PLCXD3: variants seen among roughly 807,000 people sequenced by gnomAD.
PLCXD3 encodes phosphatidylinositol specific phospholipase C X domain containing 3.
A neutral mutation model predicts 25.5 loss-of-function variants in PLCXD3; 19 were observed. The observed-to-expected ratio is 0.75, with a 90% CI of 0.52 to 1.09. The LOEUF is 1.09. Among genes scored for constraint, PLCXD3 ranks in the 50% least tolerant of loss-of-function variants. PLCXD3 has a pLI of 0.00. For missense variants in PLCXD3, 411 were observed against 388.1 expected, an observed-to-expected ratio of 1.06 and a Z score of -0.50; for synonymous variants, 174 against 137.6, an observed-to-expected ratio of 1.26 and a Z score of -1.85.
intron 1 of PLCXD3, chr5:41,475,587 CCTCTTCAGGTCCCTTCAGGT>C (rs1748264607): frequency 1.9e-6 from 1 of 533,796 alleles, no homozygotes; most frequent in South Asian, 1.4e-5. Context: ...TCCCTGTAGG[CCTCTTCAGGTCCCTTCAGGT>C]CTCTTCAGGT....
chr5:41,461,716 T>C (rs2150517134), intron 1 of PLCXD3, among the ~76,000 whole-genome samples: 1 of 152,088 alleles, frequency 6.6e-6, no homozygotes, highest in East Asian at 1.9e-4. Flanking sequence ...TACTTGAATG[T>C]GAGCAAATGA....
rs1260586667 is a variant in PLCXD3, at chr5:41,440,633, A to G, written c.104-58099T>C. ...TTACTGATTCTATAAGTCTATGTAT[A>G]TATGTACATAGAGGAGTGTGTGGCA... On this transcript the variant is annotated intron_variant, in intron 1 of 2. Transcript: ENST00000377801. Among the ~76,000 whole-genome samples the G allele has an allele frequency of 2.6e-5, 4 of 152,174 alleles. No homozygotes were observed. In the East Asian group the frequency reaches 7.7e-4, roughly 29 times the overall value.
At chr5:41,383,707 G>C (rs1305842283) in intron 1 of PLCXD3, among the ~76,000 whole-genome samples, 1 of 151,874 alleles carries the variant, frequency 6.6e-6, no homozygotes, top group Admixed American at 6.6e-5. Flanking sequence ...CCCCATTCCT[G>C]ATTTCCCTTC....
At chr5:41,458,588 G>A (rs1197558637) in intron 1 of PLCXD3, among the ~76,000 whole-genome samples, 1 of 151,962 alleles carries the variant, frequency 6.6e-6, no homozygotes, top group Non-Finnish European at 1.5e-5. Flanking sequence ...GGGACCAAGT[G>A]GTGAACAAAA....
At chr5:41,388,853 A>G (rs1217759908) in intron 1 of PLCXD3, among the ~76,000 whole-genome samples, 1 of 151,898 alleles carries the variant, frequency 6.6e-6, no homozygotes, top group Non-Finnish European at 1.5e-5. Context: ...TGTATGTACC[A>G]TGTTTTGTAA....
At position 41,370,248 on chromosome 5, in the gene PLCXD3, C is replaced by T. The variant is rs530343349; in HGVS notation, c.812+11578G>A. Among the ~76,000 whole-genome samples the T allele has an allele frequency of 3.3e-5, 5 of 152,286 alleles. No homozygotes were observed. The South Asian group carries it at 1.0e-3, about 32-fold the overall frequency. ...TTAAAATAAGTTAATTAGCAATAGG[C>T]TACAATCCCAGACATACAGAGCAAG... On this transcript the variant is annotated intron_variant, in intron 2 of 2. Transcript: ENST00000377801.
intron 1 of PLCXD3, among the ~76,000 whole-genome samples, chr5:41,407,466 T>C (rs1461541175): frequency 6.6e-6 from 1 of 152,228 alleles, no homozygotes; most frequent in East Asian, 1.9e-4. Context: ...ACTGTGTTGA[T>C]TAAACTTATC....
At chr5:41,344,682 C>T (rs957628195) in intron 2 of PLCXD3, among the ~76,000 whole-genome samples, 1 of 151,778 alleles carries the variant, frequency 6.6e-6, no homozygotes, top group Non-Finnish European at 1.5e-5. Flanking sequence ...CTAAAAATTA[C>T]AATATTAAGT....
chr5:41,380,870 G>A (rs948602382), intron 2 of PLCXD3, among the ~76,000 whole-genome samples: 1 of 152,084 alleles, frequency 6.6e-6, no homozygotes, highest in African/African-American at 2.4e-5. Flanking sequence ...AGTATGTTGT[G>A]TCACACTCGC....
At chr5:41,381,163 A>G (rs563072518) in intron 2 of PLCXD3, among the ~76,000 whole-genome samples, 2 of 152,258 alleles carry the variant, frequency 1.3e-5, no homozygotes, top group East Asian at 1.9e-4. Context: ...ATGCATTTCA[A>G]ATGGAATTAG....
intron 2 of PLCXD3, among the ~76,000 whole-genome samples, chr5:41,356,011 C>G (rs7725517): frequency 1.3e-5 from 2 of 151,892 alleles, no homozygotes; most frequent in South Asian, 4.2e-4. Context: ...CTAAAAAAAA[C>G]CCATGATCAT....
chr5:41,353,156 G>C (rs912308170), intron 2 of PLCXD3, among the ~76,000 whole-genome samples: 4 of 149,880 alleles, frequency 2.7e-5, no homozygotes, highest in Non-Finnish European at 4.4e-5. Flanking sequence ...GCAGTGGCGC[G>C]ATCTCCGCTC....
At position 41,317,012 on chromosome 5, in the gene PLCXD3, A is replaced by T. The variant is rs79631509; in HGVS notation, c.813-3242T>A. ...CAGCCCCAGGGCCTTGAGAAACCATACACAATAGCCAGGGACTGGTTACAG... is the reference window on the plus strand; with the variant it reads ...CAGCCCCAGGGCCTTGAGAAACCATTCACAATAGCCAGGGACTGGTTACAG... On this transcript the variant is annotated intron_variant, in intron 2 of 2. Transcript: ENST00000377801. 1.6e-4 allele frequency among the ~76,000 whole-genome samples: 25 copies of T among 152,322 alleles called. No individual in the cohort carries two copies. The East Asian group carries it at 4.6e-3, about 28-fold the overall frequency.
rs1432599286 is a variant in PLCXD3, at chr5:41,381,842, C to T, written c.796G>A (p.Glu266Lys). 1.1e-5 allele frequency: 17 copies of T among 1,607,590 alleles called. No homozygotes were observed. Among genetic ancestry groups the T allele is most frequent in the Non-Finnish European group, 1.3e-5 (15 of 1,177,400 alleles). ...VVKGVASGLRETITERALPAM... is the reference protein window; with the variant it reads ...VVKGVASGLRKTITERALPAM... Reference sequence around the variant, plus strand: ...GACACTTACCTTTCTGTGATTGTTTCTCTGAGGCCACTTGCCACCCCTTTG... The same window carrying T: ...GACACTTACCTTTCTGTGATTGTTTTTCTGAGGCCACTTGCCACCCCTTTG... The change falls in exon 2 of 3, where the codon GAA becomes AAA. Residue 266 changes from glutamate to lysine, a missense_variant. Coordinates refer to ENST00000377801, the MANE Select transcript of PLCXD3 (RefSeq NM_001005473.3).
chr5:41,335,502 C>T (rs1240215043), intron 2 of PLCXD3, among the ~76,000 whole-genome samples: 1 of 152,174 alleles, frequency 6.6e-6, no homozygotes, highest in South Asian at 2.1e-4. Flanking sequence ...TGACTACCTA[C>T]TGCTGATTGG....
chr5:41,460,459 G>T (rs373362019), intron 1 of PLCXD3, among the ~76,000 whole-genome samples: 21 of 152,028 alleles, frequency 1.4e-4, no homozygotes, highest in Admixed American at 9.8e-4. Flanking sequence ...ACTTTAGAGT[G>T]AGGGCTGTCA....
chr5:41,435,502 G>A (rs1033310600), intron 1 of PLCXD3, among the ~76,000 whole-genome samples: 37 of 152,168 alleles, frequency 2.4e-4, no homozygotes, highest in Admixed American at 2.4e-3. Flanking sequence ...GAGGCATGTG[G>A]TGCACAGTGC....
intron 1 of PLCXD3, among the ~76,000 whole-genome samples, chr5:41,456,943 TAAG>T (rs916625585): frequency 1.3e-5 from 2 of 151,894 alleles, no homozygotes; most frequent in African/African-American, 4.8e-5. Context: ...CCAAGACCAT[TAAG>T]AAAGATCATT....
At chr5:41,439,171 T>C (rs1252972857) in intron 1 of PLCXD3, among the ~76,000 whole-genome samples, 1 of 152,142 alleles carries the variant, frequency 6.6e-6, no homozygotes, top group Non-Finnish European at 1.5e-5. Context: ...CATTTTAATT[T>C]CCTGCATGGG....
Sources: gnomAD v4.1 joint callset for allele counts (sites outside exome capture counted in the v4.1 genomes callset) on GRCh38, gnomAD v4.1.1 for gene constraint, MANE v1.5 for transcripts, NCBI Gene and HGNC (gene_info 2026-07-23, HGNC 2026-07-21) for gene names.